TNRC6B: variants seen among roughly 807,000 people sequenced by gnomAD.
TNRC6B encodes trinucleotide repeat containing adaptor 6B.
A neutral mutation model predicts 203.6 loss-of-function variants in TNRC6B; 52 were observed. The ratio of observed to expected loss-of-function variants is 0.26; its 90% CI spans 0.20 to 0.32. The LOEUF (loss-of-function observed/expected upper bound fraction) is 0.32. TNRC6B is among the 10% of genes least tolerant of loss of function. The pLI, the probability that TNRC6B is intolerant of heterozygous loss-of-function variation, is 1.00. For missense variants in TNRC6B, 1,923 were observed against 2,286.2 expected, an observed-to-expected ratio of 0.84 and a Z score of 3.24; for synonymous variants, 838 against 845.7, an observed-to-expected ratio of 0.99 and a Z score of 0.16.
rs574429186 is a variant in TNRC6B, at chr22:40,331,391, A to G, written c.*8150A>G. 1 of 284,626 alleles carries G rather than the reference A, an allele frequency of 3.5e-6. No homozygotes were observed. Among genetic ancestry groups the G allele is most frequent in the African/African-American group, 2.1e-5 (1 of 46,658 alleles). 17.6% of individuals were successfully genotyped at this position (284,626 alleles called of 1,614,324 possible). Reference sequence around the variant, plus strand: ...TTTATTTGTTTTTATGTTTTAAACAATTTCACCTCTTCTCCCCACTCCTAT... The same window carrying G: ...TTTATTTGTTTTTATGTTTTAAACAGTTTCACCTCTTCTCCCCACTCCTAT... On this transcript the variant is annotated 3_prime_UTR_variant, in exon 23 of 23. Coordinates refer to ENST00000454349, the MANE Select transcript of TNRC6B (RefSeq NM_001162501.2).
intron 12 of TNRC6B, among the ~76,000 whole-genome samples, chr22:40,292,739 T>C (rs570056558): frequency 1.3e-5 from 2 of 152,348 alleles, no homozygotes; most frequent in South Asian, 2.1e-4. Flanking sequence ...TCTGTATTCT[T>C]TGGAGAGGGG....
At chr22:40,050,828 G>GT (rs796181578) in intron 1 of TNRC6B, among the ~76,000 whole-genome samples, 2,047 of 141,074 alleles carry the variant, frequency 0.015, 33 homozygotes, top group African/African-American at 0.036. Flanking sequence ...TTGTTTTTGG[G>GT]TTTTTTTTTT....
At chr22:40,115,938 A>G (rs2068383527) in intron 1 of TNRC6B, among the ~76,000 whole-genome samples, 1 of 152,226 alleles carries the variant, frequency 6.6e-6, no homozygotes, top group East Asian at 1.9e-4. Context: ...AGTGTACAGT[A>G]GGGAGATAGG....
At chr22:40,321,341 C>CGTGTGA in intron 22 of TNRC6B, 112 bp downstream of exon 22, 1 of 1,271,420 alleles carries the variant, frequency 7.9e-7, no homozygotes, top group Non-Finnish European at 1.1e-6. Context: ...AAGAATGGCA[C>CGTGTGA]CGTCACACGT....
chr22:40,173,852 G>A (rs2069030379), upstream of TNRC6B, among the ~76,000 whole-genome samples: 1 of 124,284 alleles, frequency 8.0e-6, no homozygotes, highest in African/African-American at 3.1e-5. Flanking sequence ...TGTCCAGGCT[G>A]GGGTGCAGTG....
intron 1 of TNRC6B, among the ~76,000 whole-genome samples, chr22:40,178,736 C>T (rs1284326022): frequency 2.0e-5 from 3 of 152,106 alleles, no homozygotes; most frequent in African/African-American, 7.2e-5. Flanking sequence ...TGCTTGAAAA[C>T]CTCCCAAGCA....
chr22:40,131,516 T>C (rs1032106348), intron 3 of TNRC6B, among the ~76,000 whole-genome samples: 2 of 152,114 alleles, frequency 1.3e-5, no homozygotes, highest in African/African-American at 4.8e-5. Context: ...TAATTCCTTA[T>C]TTTTGCCTCC....
chr22:40,153,899 A>C (rs2068784921), intron 3 of TNRC6B, among the ~76,000 whole-genome samples: 1 of 150,996 alleles, frequency 6.6e-6, no homozygotes, highest in Non-Finnish European at 1.5e-5. Flanking sequence ...AATTATAATA[A>C]ATCATTAAAG....
chr22:40,201,296 C>G (rs1038099564), intron 1 of TNRC6B, among the ~76,000 whole-genome samples: 1 of 152,104 alleles, frequency 6.6e-6, no homozygotes, highest in Admixed American at 6.6e-5. Context: ...GAACATGTCT[C>G]TGAAAGTCTG....
At chr22:40,242,964 G>A (rs549409312) in intron 1 of TNRC6B, among the ~76,000 whole-genome samples, 5 of 151,898 alleles carry the variant, frequency 3.3e-5, no homozygotes, top group African/African-American at 9.7e-5. Context: ...CTGCCTCTGG[G>A]TTCAAGCAAT....
At chr22:40,109,099 C>A (rs531574291) in intron 1 of TNRC6B, among the ~76,000 whole-genome samples, 1 of 152,126 alleles carries the variant, frequency 6.6e-6, no homozygotes, top group Admixed American at 6.6e-5. Flanking sequence ...CGTGTTCCTG[C>A]GAAGCACATG....
At chr22:40,158,810 G>A (rs1344583956) in intron 4 of TNRC6B, among the ~76,000 whole-genome samples, 1 of 152,192 alleles carries the variant, frequency 6.6e-6, no homozygotes, top group Non-Finnish European at 1.5e-5. Context: ...ACAAGGTGCT[G>A]TGAGCAAAGG....
At chr22:40,181,824 A>G (rs1233487901) in intron 1 of TNRC6B, among the ~76,000 whole-genome samples, 1 of 152,090 alleles carries the variant, frequency 6.6e-6, no homozygotes, top group Admixed American at 6.5e-5. Flanking sequence ...CACGCCTGTC[A>G]TCTCAACTAC....
intron 15 of TNRC6B, among the ~76,000 whole-genome samples, chr22:40,302,516 C>T (rs1225432990): frequency 1.3e-5 from 2 of 152,066 alleles, no homozygotes; most frequent in Admixed American, 6.5e-5. Context: ...GCCTCTAATC[C>T]CAGCTACTGG....
intron 3 of TNRC6B, among the ~76,000 whole-genome samples, chr22:40,132,969 A>AAAAAT (rs1282694632): frequency 2.0e-4 from 16 of 78,188 alleles, no homozygotes; most frequent in African/African-American, 5.6e-4. Context: ...AAAAAAAAAA[A>AAAAAT]ATATATATAT....
chr22:40,292,352 CA>C lies in TNRC6B; in HGVS notation c.3708+6599del, dbSNP rs3044498. ...TGGGCGACAGAGTGAGACTCCATCT[CA>C]AAAAAAAAAAAAAAAAGGATGACAC... On this transcript the variant is annotated intron_variant, in intron 12 of 22. Coordinates refer to ENST00000454349, the MANE Select transcript of TNRC6B (RefSeq NM_001162501.2). Among the ~76,000 whole-genome samples, 927 of 100,774 alleles carry C rather than the reference CA, an allele frequency of 9.2e-3. 5 individuals carry two copies. The highest frequency in any genetic ancestry group is 0.028 in the African/African-American group (620 of 22,244). 66.1% of individuals were successfully genotyped at this position (100,774 alleles called of 152,430 possible). A position where few individuals can be genotyped will look rare whatever the true frequency, so the allele number is the denominator to read the frequency against.
chr22:40,131,506 T>C (rs1052958615), intron 3 of TNRC6B, among the ~76,000 whole-genome samples: 1 of 151,976 alleles, frequency 6.6e-6, no homozygotes, highest in Non-Finnish European at 1.5e-5. Context: ...TGCACAAGCA[T>C]AATTCCTTAT....
rs2069083964 is a variant in TNRC6B, at chr22:40,178,007, T to C, written c.-129T>C. On this transcript the variant is annotated 5_prime_UTR_variant, in exon 1 of 23. Transcript: ENST00000454349. The stretch of plus-strand genomic sequence containing the variant: ...AAGCCAAAATGGCCGACAGAGTCTC[T>C]GCTGGTTTCTGAATATTTAAAATAC... The C allele has an allele frequency of 1.9e-6, 3 of 1,542,614 alleles. No homozygotes were observed. Among genetic ancestry groups the C allele is most frequent in the Admixed American group, 4.1e-5 (2 of 48,500 alleles).
chr22:40,324,353 A>T lies in TNRC6B; in HGVS notation c.*1112A>T, dbSNP rs1007131633. Reference sequence around the variant, plus strand: ...TCTGAGTATCTGTTAAGTTTCATGCAGGCCTTTTCGTTAGTTTGAAATGGG... The same window carrying T: ...TCTGAGTATCTGTTAAGTTTCATGCTGGCCTTTTCGTTAGTTTGAAATGGG... On this transcript the variant is annotated 3_prime_UTR_variant, in exon 23 of 23. Coordinates refer to ENST00000454349, the MANE Select transcript of TNRC6B (RefSeq NM_001162501.2). 6.6e-6 allele frequency: 1 copy of T among 152,116 alleles called. No individual in the cohort carries two copies. The highest frequency in any genetic ancestry group is 2.4e-5 in the African/African-American group (1 of 41,262). The allele number at this position is 152,116 out of a possible 1,614,324, so 9.4% of individuals were successfully genotyped here.
Sources: gnomAD v4.1 joint callset for allele counts (sites outside exome capture counted in the v4.1 genomes callset) on GRCh38, gnomAD v4.1.1 for gene constraint, MANE v1.5 for transcripts, NCBI Gene and HGNC (gene_info 2026-07-23, HGNC 2026-07-21) for gene names.